The following CTDSPL variants were observed in gnomAD, a reference collection of about 807,000 sequenced individuals.
CTDSPL encodes CTD small phosphatase-like protein.
Under a neutral mutation model 30.5 loss-of-function variants are expected in CTDSPL, and 8 were observed. That is an observed-to-expected ratio of 0.26 (90% confidence interval 0.15 to 0.47). The LOEUF is 0.47. Ranked by LOEUF, CTDSPL falls within the 20% of genes least tolerant of loss-of-function variation. CTDSPL has a pLI of 0.99. For missense variants in CTDSPL, 248 were observed against 366.1 expected (o/e 0.68, Z 2.63); for synonymous variants, 110 against 137.9 (o/e 0.80, Z 1.42).
intron 1 of CTDSPL, among the ~76,000 whole-genome samples, chr3:37,897,344 C>T (rs905486521): frequency 1.3e-5 from 2 of 152,124 alleles, no homozygotes; most frequent in African/African-American, 4.8e-5. Flanking sequence ...AGTAGTTCTG[C>T]ACATGTCGCA....
At chr3:37,979,637 G>A (rs2125636900) in intron 7 of CTDSPL, among the ~76,000 whole-genome samples, 1 of 152,246 alleles carries the variant, frequency 6.6e-6, no homozygotes, top group South Asian at 2.1e-4. Context: ...GGTGCCACAT[G>A]CCTATAGTCC....
chr3:37,954,930 T>G (rs750010756), intron 2 of CTDSPL: 6 of 152,264 alleles, frequency 3.9e-5, no homozygotes, highest in Non-Finnish European at 7.3e-5. Context: ...AGGGTAATTT[T>G]CAAGCCCAAA....
intron 1 of CTDSPL, among the ~76,000 whole-genome samples, chr3:37,908,272 G>GT (rs1698540653): frequency 6.6e-6 from 1 of 152,320 alleles, no homozygotes; most frequent in African/African-American, 2.4e-5. Context: ...TTCCAAATGT[G>GT]TTTCTGTTTT....
chr3:37,934,527 C>A (rs748152210), intron 1 of CTDSPL, among the ~76,000 whole-genome samples: 3 of 152,130 alleles, frequency 2.0e-5, no homozygotes, highest in African/African-American at 7.2e-5. Context: ...CCAGAAATAG[C>A]CACACTCAAC....
intron 1 of CTDSPL, among the ~76,000 whole-genome samples, chr3:37,888,232 A>C (rs1325539682): frequency 6.6e-6 from 1 of 152,186 alleles, no homozygotes; most frequent in Non-Finnish European, 1.5e-5. Context: ...TTTGCCTTAT[A>C]TTTGTCATAT....
chr3:37,972,844 C>A (rs1349876372), intron 6 of CTDSPL, among the ~76,000 whole-genome samples: 1 of 152,244 alleles, frequency 6.6e-6, no homozygotes, highest in African/African-American at 2.4e-5. Flanking sequence ...CTCAGGGACC[C>A]TGAGTGGTCC....
intron 6 of CTDSPL, among the ~76,000 whole-genome samples, chr3:37,972,888 T>G (rs1184132609): frequency 6.6e-6 from 1 of 152,214 alleles, no homozygotes; most frequent in Non-Finnish European, 1.5e-5. Context: ...AGGTTAACCA[T>G]TTGCCTGTCT....
At chr3:37,927,369 T>G (rs1052660292) in intron 1 of CTDSPL, among the ~76,000 whole-genome samples, 1 of 152,128 alleles carries the variant, frequency 6.6e-6, no homozygotes, top group African/African-American at 2.4e-5. Context: ...TATAAATGAA[T>G]TTTATGTTTA....
chr3:37,938,310 G>A (rs1698937532), intron 1 of CTDSPL, among the ~76,000 whole-genome samples: 1 of 150,046 alleles, frequency 6.7e-6, no homozygotes. Context: ...AGGGGTTAAG[G>A]ATGGTTCCAA....
intron 1 of CTDSPL, among the ~76,000 whole-genome samples, chr3:37,936,445 CAG>C: frequency 6.6e-6 from 1 of 152,188 alleles, no homozygotes; most frequent in South Asian, 2.1e-4. Context: ...TTTATTCAAA[CAG>C]AGGACAGTTG....
At chr3:37,972,925 C>T (rs943357872) in intron 6 of CTDSPL, among the ~76,000 whole-genome samples, 8 of 152,202 alleles carry the variant, frequency 5.3e-5, no homozygotes, top group Admixed American at 1.3e-4. Flanking sequence ...TAGCTTCCTC[C>T]GCCATGTCCT....
intron 2 of CTDSPL, 118 bp downstream of exon 2, chr3:37,947,329 G>A (rs1699051515): frequency 8.4e-7 from 1 of 1,193,558 alleles, no homozygotes; most frequent in Non-Finnish European, 1.2e-6. Flanking sequence ...GCTCACGTCT[G>A]TAATATCAGC....
At chr3:37,883,996 GT>G (rs1274559080) in intron 1 of CTDSPL, among the ~76,000 whole-genome samples, 1 of 152,104 alleles carries the variant, frequency 6.6e-6, no homozygotes, top group Non-Finnish European at 1.5e-5. Flanking sequence ...GTCCTTAAGG[GT>G]TTAGGGAAAT....
chr3:37,975,611 C>T lies in CTDSPL; in HGVS notation c.520-98C>T, dbSNP rs1384824751. ...CCTAAGACACATCTAATTATTAAAT[C>T]CATTTTTAAAAAACGTAATCTGGAT... On this transcript the variant is annotated intron_variant, in intron 6 of 7. Coordinates refer to ENST00000273179, the MANE Select transcript of CTDSPL (RefSeq NM_001008392.2). The surrounding 1 kb of genome is among the most constrained non-coding windows in gnomAD (Gnocchi z 4.9). 8.5e-6 allele frequency: 9 copies of T among 1,060,140 alleles called. No individual in the cohort carries two copies. Among genetic ancestry groups the T allele is most frequent in the Non-Finnish European group, 1.2e-5 (9 of 733,850 alleles). 65.7% of individuals were successfully genotyped at this position (1,060,140 alleles called of 1,614,324 possible).
chr3:37,949,115 C>T (rs1481010349), intron 2 of CTDSPL, among the ~76,000 whole-genome samples: 4 of 152,046 alleles, frequency 2.6e-5, no homozygotes, highest in Admixed American at 6.5e-5. Flanking sequence ...CCACCGCGCC[C>T]GGCCATTTTC....
At chr3:37,948,982 G>A (rs1053771606) in intron 2 of CTDSPL, among the ~76,000 whole-genome samples, 64 of 151,000 alleles carry the variant, frequency 4.2e-4, no homozygotes, top group African/African-American at 1.4e-3. Flanking sequence ...CACCGCGCCC[G>A]GCTAATTTTT....
At chr3:37,894,732 T>G (rs1404733897) in intron 1 of CTDSPL, among the ~76,000 whole-genome samples, 2 of 152,174 alleles carry the variant, frequency 1.3e-5, no homozygotes, top group Non-Finnish European at 2.9e-5. Context: ...GGTCTGAGGC[T>G]CTGTTCATTT....
intron 1 of CTDSPL, among the ~76,000 whole-genome samples, chr3:37,910,782 A>G (rs1431603814): frequency 1.3e-5 from 2 of 152,228 alleles, no homozygotes; most frequent in African/African-American, 4.8e-5. Context: ...TGTCCCAGGG[A>G]AACACATAGA....
rs754368638 is a variant in CTDSPL at position 37,947,260 on chromosome 3, ATC to A, written c.234+53_234+54del. On this transcript the variant is annotated intron_variant, in intron 2 of 7. Transcript: ENST00000273179. Reference sequence around the variant, plus strand: ...CCCTCCATAAAACTGCAGCAGTGGCATCTCTGTCCCATCCTTGATGAATATCC... The same window carrying A: ...CCCTCCATAAAACTGCAGCAGTGGCATCTGTCCCATCCTTGATGAATATCC... The A allele has an allele frequency of 2.5e-6, 4 of 1,579,646 alleles. No individual in the cohort carries two copies. The South Asian group carries it at 4.5e-5, about 18-fold the overall frequency.
Sources: allele counts gnomAD v4.1 joint callset (sites outside exome capture counted in the v4.1 genomes callset), GRCh38; gene constraint gnomAD v4.1.1; non-coding constraint Gnocchi (gnomAD v3.1); transcripts MANE v1.5; gene names NCBI Gene and HGNC (gene_info 2026-07-23, HGNC 2026-07-21).